BMPR1B: variants seen among roughly 807,000 people sequenced by gnomAD.
The protein encoded by BMPR1B is bone morphogenetic protein receptor type-1B.
BMPR1B carries 12 observed loss-of-function variants against 59.1 expected under a neutral mutation model. The ratio of observed to expected loss-of-function variants is 0.20; its 90% CI spans 0.13 to 0.33. The LOEUF is 0.33. Among genes scored for constraint, BMPR1B ranks in the 10% least tolerant of loss-of-function variants. The pLI is 1.00. For missense variants in BMPR1B, 550 were observed against 610.9 expected (o/e 0.90, Z 1.05); for synonymous variants, 237 against 207.3 (o/e 1.14, Z -1.23).
rs775375747 is a variant in BMPR1B, at chr4:95,123,904, C to G, written c.444C>G (p.Phe148Leu). 2.5e-6 allele frequency: 4 copies of G among 1,606,262 alleles called. No homozygotes were observed. In the African/African-American group the frequency reaches 4.0e-5, roughly 16 times the overall value. ...TCCTTATCATATTATTTTGTTACTT[C>G]CGGTAAGTTTCTAACATGTAGATGC... Reference protein sequence around the residue: ...LLVLIILFCYFRYKRQETRPR... With the variant: ...LLVLIILFCYLRYKRQETRPR... Residue 148 changes from phenylalanine to leucine, a missense_variant and splice_region_variant, in exon 7 of 13, where the codon TTC (phenylalanine) becomes TTG (leucine). Coordinates refer to ENST00000515059, the MANE Select transcript of BMPR1B (RefSeq NM_001203.3).
rs562427551 is a variant in BMPR1B at position 94,808,084 on chromosome 4, G to A, written c.-183+50016G>A. On this transcript the variant is annotated intron_variant, in intron 1 of 12. Coordinates refer to ENST00000515059, the MANE Select transcript of BMPR1B (RefSeq NM_001203.3). ...TTGTAAATCTCTATTTTGCTATTAT[G>A]TGTACTTGTTACTTTGTAGCCTTTT... 2.0e-5 allele frequency among the ~76,000 whole-genome samples: 3 copies of A among 152,266 alleles called. No individual in the cohort carries two copies. The South Asian group carries it at 6.2e-4, about 32-fold the overall frequency.
In BMPR1B at chr4:94,872,684, C is replaced by T. The variant is rs372666056; in HGVS notation, c.-182-3147C>T. Among the ~76,000 whole-genome samples the T allele has an allele frequency of 5.1e-4, 77 of 152,206 alleles. 1 individual carries two copies. Among genetic ancestry groups the T allele is most frequent in the South Asian group, 5.0e-3 (24 of 4,822 alleles). On this transcript the variant is annotated intron_variant, in intron 1 of 12. Coordinates refer to ENST00000515059, the MANE Select transcript of BMPR1B (RefSeq NM_001203.3). Reference sequence around the variant, plus strand: ...GATCGCTTGAGCCTGTGCCACTGCACGCCAGCCTGGGTGACTGAGCTAGTC... The same window carrying T: ...GATCGCTTGAGCCTGTGCCACTGCATGCCAGCCTGGGTGACTGAGCTAGTC...
Position 95,126,936 on chromosome 4 carries a change from T to A in BMPR1B, c.585+1815T>A, listed in dbSNP as rs1159827361. Reference sequence around the variant, plus strand: ...ATACTTGGACCTTGTGTTTAACAAATGACTTTATACGTGCCCTTTAATTTT... The same window carrying A: ...ATACTTGGACCTTGTGTTTAACAAAAGACTTTATACGTGCCCTTTAATTTT... On this transcript the variant is annotated intron_variant, in intron 8 of 12. Transcript: ENST00000515059. Among the ~76,000 whole-genome samples the A allele has an allele frequency of 1.4e-4, 21 of 152,232 alleles. 1 individual carries two copies. The highest frequency in any genetic ancestry group is 1.3e-3 in the Admixed American group (20 of 15,274).
rs144199253 is a variant in BMPR1B at position 94,775,977 on chromosome 4, G to A, written c.-183+17909G>A. On this transcript the variant is annotated intron_variant, in intron 1 of 12. Transcript: ENST00000515059. Reference sequence around the variant, plus strand: ...GTGATGGTGGTCGCCTGTAGTCCCAGCTACTCGGGAGACTGAGGCAGGAGA... The same window carrying A: ...GTGATGGTGGTCGCCTGTAGTCCCAACTACTCGGGAGACTGAGGCAGGAGA... Among the ~76,000 whole-genome samples, 1,220 of 151,850 alleles carry A rather than the reference G, an allele frequency of 8.0e-3. 14 individuals carry two copies. The highest frequency in any genetic ancestry group is 0.028 in the African/African-American group (1,174 of 41,416).
intron 3 of BMPR1B, among the ~76,000 whole-genome samples, chr4:95,008,660 T>A (rs1175147648): frequency 6.6e-6 from 1 of 151,970 alleles, no homozygotes; most frequent in Non-Finnish European, 1.5e-5. Flanking sequence ...AATTAATTAA[T>A]TCAGCAACAT....
At position 94,894,827 on chromosome 4, in the gene BMPR1B, G is replaced by GT. The variant is rs987543398; in HGVS notation, c.-113+18937dup. Among the ~76,000 whole-genome samples, 237 of 146,838 alleles carry GT rather than the reference G, an allele frequency of 1.6e-3. 1 individual carries two copies. Among genetic ancestry groups the GT allele is most frequent in the African/African-American group, 4.3e-3 (172 of 40,236 alleles). Reference sequence around the variant, plus strand: ...GAGAAGCAGCTCTGTATGCTAGTTTGTTTTTTTTTTCTTTCACATCTTAAC... The same window carrying GT: ...GAGAAGCAGCTCTGTATGCTAGTTTGTTTTTTTTTTTCTTTCACATCTTAAC... On this transcript the variant is annotated intron_variant, in intron 2 of 12. Transcript: ENST00000515059.
chr4:95,008,980 C>A (rs771744428), intron 3 of BMPR1B, among the ~76,000 whole-genome samples: 1 of 151,946 alleles, frequency 6.6e-6, no homozygotes, highest in Non-Finnish European at 1.5e-5. Flanking sequence ...CCTTGAGCCC[C>A]GGAGTTGATG....
intron 3 of BMPR1B, among the ~76,000 whole-genome samples, chr4:94,999,724 G>T (rs1445141252): frequency 6.6e-6 from 1 of 152,168 alleles, no homozygotes; most frequent in Non-Finnish European, 1.5e-5. Context: ...CCATCCTCAT[G>T]TAGCCGGGAG....
chr4:94,908,783 A>ATT (rs1440160431), intron 2 of BMPR1B, among the ~76,000 whole-genome samples: 4 of 152,028 alleles, frequency 2.6e-5, no homozygotes, highest in African/African-American at 9.7e-5. Flanking sequence ...CTTTAAAAAC[A>ATT]TTATAAAAAC....
At chr4:94,836,467 G>T (rs956424296) in intron 1 of BMPR1B, among the ~76,000 whole-genome samples, 1 of 142,984 alleles carries the variant, frequency 7.0e-6, no homozygotes, top group Non-Finnish European at 1.5e-5. Context: ...GTGTGAGATG[G>T]TATCTCATTG....
At chr4:94,799,804 C>A (rs528558363) in intron 1 of BMPR1B, among the ~76,000 whole-genome samples, 2 of 151,304 alleles carry the variant, frequency 1.3e-5, no homozygotes, top group Non-Finnish European at 2.9e-5. Flanking sequence ...GATTCTCCTG[C>A]CTCAGCCTCC....
chr4:95,052,264 A>T (rs1173365173), intron 3 of BMPR1B, among the ~76,000 whole-genome samples: 2 of 152,196 alleles, frequency 1.3e-5, no homozygotes, highest in African/African-American at 2.4e-5. Flanking sequence ...TCAAATGTTT[A>T]TTCACCTTTA....
At chr4:94,999,427 C>CGT (rs70946577) in intron 3 of BMPR1B, among the ~76,000 whole-genome samples, 56,606 of 148,370 alleles carry the variant, frequency 0.38, 10,829 homozygotes, top group South Asian at 0.48. Context: ...CAGTGTTGTG[C>CGT]GTGTGTGTGT....
intron 9 of BMPR1B, 93 bp from the exon 10 acceptor site, chr4:95,131,122 A>G (rs1733322261): frequency 1.5e-6 from 2 of 1,355,124 alleles, no homozygotes; most frequent in African/African-American, 2.9e-5. Context: ...GCTAAACAAA[A>G]ATTATCTATG....
intron 1 of BMPR1B, among the ~76,000 whole-genome samples, chr4:94,761,056 C>T (rs1025707191): frequency 7.9e-5 from 12 of 152,156 alleles, no homozygotes; most frequent in Admixed American, 7.9e-4. Flanking sequence ...GGAATTGAGA[C>T]TTTACTTTTT....
intron 1 of BMPR1B, among the ~76,000 whole-genome samples, chr4:94,861,325 A>G (rs1725968642): frequency 6.6e-6 from 1 of 152,226 alleles, no homozygotes; most frequent in Admixed American, 6.5e-5. Context: ...AGTACTTAGG[A>G]CAACGTGTGG....
At chr4:94,829,327 C>CTTT (rs35278466) in intron 1 of BMPR1B, among the ~76,000 whole-genome samples, 87 of 136,924 alleles carry the variant, frequency 6.4e-4, no homozygotes, top group African/African-American at 1.9e-3. Flanking sequence ...TTTTATTTTC[C>CTTT]TTTTTTTTTT....
chr4:95,119,281 A>G (rs1732300693), intron 6 of BMPR1B, among the ~76,000 whole-genome samples: 1 of 152,176 alleles, frequency 6.6e-6, no homozygotes, highest in South Asian at 2.1e-4. Flanking sequence ...GTCTTAACGT[A>G]TTTGTGTGTT....
Position 95,104,454 on chromosome 4 carries a change from T to C in BMPR1B, c.30T>C (p.Asn10=), listed in dbSNP as rs1579084731. Residue 10 remains asparagine, a synonymous_variant, in exon 4 of 13, where the codon AAT becomes AAC. Transcript: ENST00000515059. MLLRSAGKL[N]VGTKKEDGES... is the part of the protein sequence containing the mutation. Reference sequence around the variant, plus strand: ...TTTTGCGAAGTGCAGGAAAATTAAATGTGGGCACCAAGAAAGAGGATGGTG... The same window carrying C: ...TTTTGCGAAGTGCAGGAAAATTAAACGTGGGCACCAAGAAAGAGGATGGTG... 1 of 1,613,388 alleles carries C rather than the reference T, an allele frequency of 6.2e-7. No individual in the cohort carries two copies. The highest frequency in any genetic ancestry group is 8.5e-7 in the Non-Finnish European group (1 of 1,179,608).
Sources: gnomAD v4.1 joint callset for allele counts (sites outside exome capture counted in the v4.1 genomes callset) on GRCh38, gnomAD v4.1.1 for gene constraint, MANE v1.5 for transcripts, NCBI Gene and HGNC (gene_info 2026-07-23, HGNC 2026-07-21) for gene names.